The following NBPF15 variants were observed in gnomAD, a reference collection of about 807,000 sequenced individuals.
NBPF15 encodes NBPF family member NBPF15.
NBPF15 carries 74 observed loss-of-function variants against 62.2 expected under a neutral mutation model. The observed-to-expected ratio is 1.19, with a 90% CI of 0.99 to 1.44. The LOEUF (loss-of-function observed/expected upper bound fraction) is 1.44. Among genes scored for constraint, NBPF15 ranks in the 40% most tolerant of loss-of-function variants. The pLI is 0.00. For synonymous variants in NBPF15, 244 were observed against 209.7 expected, an observed-to-expected ratio of 1.16 and a Z score of -1.41; for missense variants, 790 against 550.0, an observed-to-expected ratio of 1.44 and a Z score of -4.36.
chr1:144,442,726 G>A (rs1684493355), intron 6 of NBPF15: 2 of 190,156 alleles, frequency 1.1e-5, no homozygotes, highest in Admixed American at 5.1e-5. Context: ...GCCAGCTGAG[G>A]TTGGTGTCCT....
chr1:144,439,854 G>T lies in NBPF15; in HGVS notation c.150C>A (p.Phe50Leu). The change falls in exon 8 of 22, where the codon TTC (phenylalanine) becomes TTA (leucine). Residue 50 changes from phenylalanine to leucine, a missense_variant. By Grantham distance (22) the Phe-to-Leu change is conservative. Coordinates refer to ENST00000581897, the MANE Select transcript of NBPF15 (RefSeq NM_001385408.1). ...EKCFLTQLAG[F>L]LANRQKKYKY... Reference sequence around the variant, plus strand: ...TGTATTTCTTCTGTCGGTTGGCCAGGAAGCCGGCCAGTTGAGTTAGAAAAC... The same window carrying T: ...TGTATTTCTTCTGTCGGTTGGCCAGTAAGCCGGCCAGTTGAGTTAGAAAAC... 1 of 1,608,538 alleles carries T rather than the reference G, an allele frequency of 6.2e-7. No homozygotes were observed.
chr1:144,447,139 TGTTGTTCTGACAGCAGGGA>T (rs1158494549), intron 6 of NBPF15, among the ~76,000 whole-genome samples: 1 of 152,278 alleles, frequency 6.6e-6, no homozygotes, highest in African/African-American at 2.4e-5. Flanking sequence ...TCCAGAACCC[TGTTGTTCTGACAGCAGGGA>T]GGACAAATCC....
At chr1:144,451,964 C>A (rs1691445499) in intron 4 of NBPF15, among the ~76,000 whole-genome samples, 2 of 151,554 alleles carry the variant, frequency 1.3e-5, no homozygotes, top group Non-Finnish European at 1.5e-5. Flanking sequence ...CCAACCTGGC[C>A]AACATGAAGA....
intron 6 of NBPF15, among the ~76,000 whole-genome samples, chr1:144,440,881 G>A (rs1227823206): frequency 6.6e-6 from 1 of 151,416 alleles, no homozygotes; most frequent in Non-Finnish European, 1.5e-5. Flanking sequence ...GTGTTAGCCA[G>A]GATGGTCTCG....
At chr1:144,440,708 A>G (rs1283335524) in intron 6 of NBPF15, 1 of 145,852 alleles carries the variant, frequency 6.9e-6, no homozygotes, top group African/African-American at 2.7e-5. Flanking sequence ...GCTGGAGTGC[A>G]GTGACGCGAT....
At position 144,427,846 on chromosome 1, in the gene NBPF15, C is replaced by A. The variant is rs1329881944; in HGVS notation, c.1185G>T (p.Gln395His). The A allele has an allele frequency of 2.7e-6, 2 of 733,932 alleles. No individual in the cohort carries two copies. Among genetic ancestry groups the A allele is most frequent in the Non-Finnish European group, 2.5e-6 (1 of 401,714 alleles). 45.5% of individuals were successfully genotyped at this position (733,932 alleles called of 1,614,324 possible). A position where few individuals can be genotyped will look rare whatever the true frequency, so the allele number is the denominator to read the frequency against. Residue 395 changes from glutamine to histidine, a missense_variant, in exon 16 of 22, where the codon CAG becomes CAT. Coordinates refer to ENST00000581897, the MANE Select transcript of NBPF15 (RefSeq NM_001385408.1). ...CCATGTCAATAGCCAAGCCAACACG[C>A]TGTTGCTCCAATACGTAAAAGGCAC... is the stretch of plus-strand genomic sequence containing the variant. ...YRSAFYVLEQ[Q>H]RVGLAIDMDE...
chr1:144,453,677 C>T (rs1692660816), intron 4 of NBPF15, among the ~76,000 whole-genome samples: 1 of 97,392 alleles, frequency 1.0e-5, no homozygotes. Context: ...AACATCTGAA[C>T]ACCTCATTAA....
rs368524637 is a variant in NBPF15 at position 144,423,118 on chromosome 1, C to G, written c.1908G>C (p.Glu636Asp). ...QHYRSVFYSF[E>D]EEHISFALYV... The stretch of plus-strand genomic sequence containing the variant: ...AAAGGGCGAAGCTGATATGCTCTTC[C>G]TCAAATGAGTAAAACACACTTCTGT... Residue 636 changes from glutamate (E) to aspartate (D), a missense_variant, in exon 22 of 22, where the codon GAG becomes GAC. By Grantham distance (45) the Glu-to-Asp change is conservative (BLOSUM62 2). Coordinates refer to ENST00000581897, the MANE Select transcript of NBPF15 (RefSeq NM_001385408.1). The G allele has an allele frequency of 6.2e-7, 1 of 1,611,582 alleles. No homozygotes were observed.
rs1281086970 is a variant in NBPF15 at position 144,449,479 on chromosome 1, C to A, written c.-332-563G>T. On this transcript the variant is annotated intron_variant, in intron 5 of 21. Coordinates refer to ENST00000581897, the MANE Select transcript of NBPF15 (RefSeq NM_001385408.1). ...AAGAATGGATCAATAAACTGTGATA[C>A]ATTCATTCCATGGAATGGCTAAAGG... is the stretch of plus-strand genomic sequence containing the variant. Among the ~76,000 whole-genome samples, 74 of 150,358 alleles carry A rather than the reference C, an allele frequency of 4.9e-4. 2 individuals carry two copies. The South Asian group carries it at 0.015, about 31-fold the overall frequency.
chr1:144,421,543 AAAATT>A lies in NBPF15; in HGVS notation c.*1465_*1469del, dbSNP rs1666056990. The A allele has an allele frequency of 6.6e-6, 1 of 151,696 alleles. No individual in the cohort carries two copies. The highest frequency in any genetic ancestry group is 1.5e-5 in the Non-Finnish European group (1 of 67,794). 9.4% of individuals were successfully genotyped at this position (151,696 alleles called of 1,614,324 possible). ...TATAGATTAAAATTAACTTTGGACAAAAATTAAAACTCAGGCAGAGAATGTTTTCT... is the reference window on the plus strand; with the variant it reads ...TATAGATTAAAATTAACTTTGGACAAAAAACTCAGGCAGAGAATGTTTTCT... On this transcript the variant is annotated 3_prime_UTR_variant, in exon 22 of 22. Coordinates refer to ENST00000581897, the MANE Select transcript of NBPF15 (RefSeq NM_001385408.1).
At chr1:144,431,448 T>A (rs1448532594) in intron 13 of NBPF15, among the ~76,000 whole-genome samples, 3 of 148,584 alleles carry the variant, frequency 2.0e-5, no homozygotes, top group Non-Finnish European at 3.0e-5. Flanking sequence ...ATATGTATAG[T>A]TTTCCTTTAT....
At chr1:144,450,389 CTG>C (rs1690305635) in intron 5 of NBPF15, among the ~76,000 whole-genome samples, 1 of 151,844 alleles carries the variant, frequency 6.6e-6, no homozygotes, top group African/African-American at 2.4e-5. Context: ...CACGTGGCCT[CTG>C]GAGTCAGAGT....
chr1:144,431,017 G>A (rs1408572330), intron 13 of NBPF15, among the ~76,000 whole-genome samples: 2 of 151,588 alleles, frequency 1.3e-5, no homozygotes, highest in Non-Finnish European at 1.5e-5. Flanking sequence ...GAGAAGAGAA[G>A]TTTAGAGAAA....
At chr1:144,426,940 T>C (rs1670175022) in intron 17 of NBPF15, 107 bp downstream of exon 17, 2 of 610,166 alleles carry the variant, frequency 3.3e-6, no homozygotes, top group African/African-American at 3.8e-5. Flanking sequence ...GGAGGAGTAA[T>C]TCAACCTTCG....
At chr1:144,450,396 C>T (rs1389918126) in intron 5 of NBPF15, among the ~76,000 whole-genome samples, 1 of 151,908 alleles carries the variant, frequency 6.6e-6, no homozygotes, top group Non-Finnish European at 1.5e-5. Context: ...CCTCTGGAGT[C>T]AGAGTGTCTC....
Position 144,426,733 on chromosome 1 carries a change from G to C in NBPF15, c.1266-283C>G, listed in dbSNP as rs587652803. The stretch of plus-strand genomic sequence containing the variant: ...AGGGGTCAAAGGACACTCTGAGTTA[G>C]TGCGCTCGGGACACACAACGAACAG... On this transcript the variant is annotated intron_variant, in intron 17 of 21. Transcript: ENST00000581897. 7.6e-4 allele frequency among the ~76,000 whole-genome samples: 116 copies of C among 151,978 alleles called. 2 individuals are homozygous for C. The South Asian group carries it at 0.018, about 24-fold the overall frequency.
In NBPF15 at chr1:144,423,276, T is replaced by G. The variant is rs1299100504; in HGVS notation, c.1770-20A>C. 1.9e-6 allele frequency: 3 copies of G among 1,610,740 alleles called. No homozygotes were observed. The highest frequency in any genetic ancestry group is 2.2e-5 in the South Asian group (2 of 90,920). On this transcript the variant is annotated intron_variant, in intron 21 of 21. Coordinates refer to ENST00000581897, the MANE Select transcript of NBPF15 (RefSeq NM_001385408.1). ...TAGAGCCTGGAAAAGGAGACAAAACTAAAGAAGCAGCCAGGGAAAATCAGA... is the reference window on the plus strand; with the variant it reads ...TAGAGCCTGGAAAAGGAGACAAAACGAAAGAAGCAGCCAGGGAAAATCAGA...
intron 8 of NBPF15, among the ~76,000 whole-genome samples, 196 bp from the exon 9 acceptor site, chr1:144,438,243 G>A (rs1468552841): frequency 4.0e-5 from 6 of 150,822 alleles, no homozygotes; most frequent in African/African-American, 1.5e-4. Flanking sequence ...TAGAGATGAA[G>A]AAAGAGAACC....
At chr1:144,423,619 C>A (rs1426439139) in intron 21 of NBPF15, among the ~76,000 whole-genome samples, 43 of 151,932 alleles carry the variant, frequency 2.8e-4, no homozygotes, top group Non-Finnish European at 4.4e-5. Context: ...ATAAAATATG[C>A]TCAAAATTTG....
Sources: gnomAD v4.1 joint callset for allele counts (sites outside exome capture counted in the v4.1 genomes callset) on GRCh38, gnomAD v4.1.1 for gene constraint, MANE v1.5 for transcripts, NCBI Gene and HGNC (gene_info 2026-07-23, HGNC 2026-07-21) for gene names.